The following LRRC4C variants were observed in gnomAD, a reference collection of about 807,000 sequenced individuals.
LRRC4C encodes the protein leucine-rich repeat-containing protein 4C.
LRRC4C carries 5 observed loss-of-function variants against 33.6 expected under a neutral mutation model. The observed-to-expected ratio is 0.15, with a 90% confidence interval of 0.08 to 0.31. The LOEUF is 0.31. LRRC4C is among the 10% of genes least tolerant of loss of function. LRRC4C has a pLI of 1.00. For synonymous variants in LRRC4C, 329 were observed against 302.0 expected, an observed-to-expected ratio of 1.09 and a Z score of -0.93; for missense variants, 560 against 796.7, an observed-to-expected ratio of 0.70 and a Z score of 3.58.
rs560423028 is a variant in LRRC4C at position 41,245,599 on chromosome 11, G to T, written c.-496+213832C>A. On this transcript the variant is annotated intron_variant, in intron 1 of 6. Transcript: ENST00000528697. ...GCCCCAAAGAAGGTGTCACAGCCCT[G>T]ACTCAGGGAGCTCCTAGGTCTGGGC... Among the ~76,000 whole-genome samples the T allele has an allele frequency of 3.9e-5, 6 of 152,336 alleles. No individual in the cohort carries two copies. In the East Asian group the frequency reaches 1.2e-3, roughly 29 times the overall value.
At chr11:41,065,595 C>G (rs1047637175) in intron 1 of LRRC4C, among the ~76,000 whole-genome samples, 2 of 152,200 alleles carry the variant, frequency 1.3e-5, no homozygotes, top group Non-Finnish European at 2.9e-5. Flanking sequence ...CAAGTGGGTC[C>G]CTGACCCCAT....
chr11:40,686,835 C>T (rs1944982685), intron 2 of LRRC4C, among the ~76,000 whole-genome samples: 1 of 151,900 alleles, frequency 6.6e-6, no homozygotes. Flanking sequence ...TAGTGTTTAT[C>T]TCAACACTCC....
At chr11:40,233,123 C>T (rs1865319207) in intron 5 of LRRC4C, among the ~76,000 whole-genome samples, 1 of 152,086 alleles carries the variant, frequency 6.6e-6, no homozygotes, top group South Asian at 2.1e-4. Context: ...GAATCAGGAC[C>T]TTTAAATATA....
chr11:40,800,574 A>C (rs1232620659), intron 2 of LRRC4C, among the ~76,000 whole-genome samples: 1 of 152,158 alleles, frequency 6.6e-6, no homozygotes. Context: ...TGGCCTTATA[A>C]ATTAGGCAAA....
intron 2 of LRRC4C, among the ~76,000 whole-genome samples, chr11:40,861,822 C>A (rs1045534758): frequency 6.6e-6 from 1 of 152,072 alleles, no homozygotes; most frequent in African/African-American, 2.4e-5. Flanking sequence ...GAAGTGGGAC[C>A]AGACATGTCA....
At chr11:40,161,278 G>T (rs925773676) in intron 5 of LRRC4C, among the ~76,000 whole-genome samples, 3 of 152,108 alleles carry the variant, frequency 2.0e-5, no homozygotes, top group African/African-American at 7.2e-5. Context: ...TTTACATTTT[G>T]TTAATGATTG....
chr11:40,381,484 G>A (rs1454999934), intron 3 of LRRC4C, among the ~76,000 whole-genome samples: 1 of 152,100 alleles, frequency 6.6e-6, no homozygotes, highest in Admixed American at 6.6e-5. Flanking sequence ...TAATTATCAA[G>A]TACATACTGT....
At chr11:41,429,738 GA>G (rs1955170871) in intron 1 of LRRC4C, among the ~76,000 whole-genome samples, 4 of 152,114 alleles carry the variant, frequency 2.6e-5, no homozygotes, top group African/African-American at 9.7e-5. Flanking sequence ...GAATGGCAAA[GA>G]AATTGCAGTG....
chr11:41,040,346 C>CA (rs1857357844), intron 1 of LRRC4C, among the ~76,000 whole-genome samples: 1 of 152,044 alleles, frequency 6.6e-6, no homozygotes, highest in African/African-American at 2.4e-5. Flanking sequence ...TGGGATTAGT[C>CA]AGGCAGTGAA....
At chr11:40,360,576 G>A (rs193195545) in intron 3 of LRRC4C, among the ~76,000 whole-genome samples, 70 of 152,250 alleles carry the variant, frequency 4.6e-4, no homozygotes, top group Non-Finnish European at 4.9e-4. Flanking sequence ...TCTAGACTGT[G>A]CAAGTTGCAG....
chr11:41,289,266 A>G (rs1031128184), intron 1 of LRRC4C, among the ~76,000 whole-genome samples: 2 of 152,212 alleles, frequency 1.3e-5, no homozygotes, highest in African/African-American at 4.8e-5. Context: ...ATTAAGTAAT[A>G]GTCTTTGTGT....
At chr11:40,196,322 A>G (rs1862257468) in intron 5 of LRRC4C, among the ~76,000 whole-genome samples, 1 of 152,242 alleles carries the variant, frequency 6.6e-6, no homozygotes, top group South Asian at 2.1e-4. Flanking sequence ...TTATGATCCA[A>G]CTGGACAAGC....
At chr11:40,640,428 T>A (rs977950812) in intron 3 of LRRC4C, among the ~76,000 whole-genome samples, 10 of 152,078 alleles carry the variant, frequency 6.6e-5, no homozygotes, top group Admixed American at 5.9e-4. Context: ...AGGTCCTTTT[T>A]AAAGAGGTGC....
At chr11:40,309,903 C>T (rs543143810) in intron 4 of LRRC4C, among the ~76,000 whole-genome samples, 11 of 152,270 alleles carry the variant, frequency 7.2e-5, no homozygotes, top group African/African-American at 2.4e-4. Flanking sequence ...GGATGCTGAA[C>T]ATTCTGTGGA....
intron 3 of LRRC4C, among the ~76,000 whole-genome samples, chr11:40,466,704 T>C (rs1365975548): frequency 2.6e-5 from 4 of 152,026 alleles, no homozygotes; most frequent in Non-Finnish European, 5.9e-5. Flanking sequence ...TGACAAGATA[T>C]CTTTTGTTTT....
intron 1 of LRRC4C, among the ~76,000 whole-genome samples, chr11:40,993,548 C>G (rs1028286058): frequency 2.0e-5 from 3 of 151,282 alleles, no homozygotes; most frequent in African/African-American, 4.9e-5. Context: ...TTTAGGCACT[C>G]CTTTGATTGC....
At chr11:41,372,973 T>G (rs1952808378) in intron 1 of LRRC4C, among the ~76,000 whole-genome samples, 1 of 152,202 alleles carries the variant, frequency 6.6e-6, no homozygotes, top group South Asian at 2.1e-4. Flanking sequence ...ACTCTATTTC[T>G]TATTTAAAAA....
chr11:41,434,774 G>A (rs951676881), intron 1 of LRRC4C, among the ~76,000 whole-genome samples: 2 of 152,154 alleles, frequency 1.3e-5, no homozygotes, highest in Non-Finnish European at 2.9e-5. Context: ...ATTAAGAGGA[G>A]GATGTGGGGC....
At chr11:40,442,960 T>A (rs1951460826) in intron 3 of LRRC4C, among the ~76,000 whole-genome samples, 1 of 152,176 alleles carries the variant, frequency 6.6e-6, no homozygotes, top group African/African-American at 2.4e-5. Context: ...AAAGAGTGGA[T>A]GTAAATGTAG....
Sources: allele counts gnomAD v4.1 joint callset (sites outside exome capture counted in the v4.1 genomes callset), GRCh38; gene constraint gnomAD v4.1.1; transcripts MANE v1.5; gene names NCBI Gene and HGNC (gene_info 2026-07-23, HGNC 2026-07-21).